Variants in ZRANB3 observed in about 807,000 individuals in gnomAD.
ZRANB3 encodes zinc finger RANBP2-type containing 3, also known as DNA annealing helicase and endonuclease ZRANB3.
ZRANB3 carries 125 observed loss-of-function variants against 133.8 expected under a neutral mutation model. That is an observed-to-expected ratio of 0.93 (90% CI 0.81 to 1.08). The LOEUF is 1.08. ZRANB3 is among the 50% of genes least tolerant of loss of function. The probability of loss-of-function intolerance (pLI) is 0.00; values close to 1 mark genes in which losing one functional copy is unlikely to be tolerated. For synonymous variants in ZRANB3, 387 were observed against 432.7 expected (o/e 0.89, Z 1.31); for missense variants, 1,229 against 1,275.5 (o/e 0.96, Z 0.56).
intron 12 of ZRANB3, among the ~76,000 whole-genome samples, chr2:135,238,611 G>A (rs941965249): frequency 6.6e-6 from 1 of 151,878 alleles, no homozygotes; most frequent in African/African-American, 2.4e-5. Flanking sequence ...TGATCCACCC[G>A]CCCCGGCCCC....
intron 2 of ZRANB3, among the ~76,000 whole-genome samples, chr2:135,396,329 G>A (rs181054083): frequency 6.6e-6 from 1 of 150,520 alleles, no homozygotes; most frequent in Admixed American, 6.6e-5. Context: ...CCAAAGGAAA[G>A]GAAATTAGTA....
At chr2:135,430,551 G>A (rs951844464) in intron 2 of ZRANB3, among the ~76,000 whole-genome samples, 6 of 152,118 alleles carry the variant, frequency 3.9e-5, no homozygotes, top group African/African-American at 1.4e-4. Context: ...GATAAAATAG[G>A]AAGTAATCTT....
At chr2:135,360,407 TA>T (rs1685628165) in intron 3 of ZRANB3, among the ~76,000 whole-genome samples, 3 of 151,436 alleles carry the variant, frequency 2.0e-5, no homozygotes, top group Admixed American at 2.0e-4. Flanking sequence ...AATAAATAGA[TA>T]AAACAAAATA....
intron 2 of ZRANB3, among the ~76,000 whole-genome samples, chr2:135,465,086 C>G (rs767868405): frequency 7.2e-5 from 11 of 152,198 alleles, no homozygotes; most frequent in Non-Finnish European, 1.0e-4. Context: ...AAATGGTATA[C>G]TCAGTTCCTC....
intron 8 of ZRANB3, among the ~76,000 whole-genome samples, chr2:135,298,609 A>G (rs1043234757): frequency 3.3e-5 from 5 of 152,144 alleles, no homozygotes; most frequent in African/African-American, 1.2e-4. Flanking sequence ...TAGCCACCCC[A>G]GTAGAGCTAC....
chr2:135,391,129 G>C (rs1687213452), intron 2 of ZRANB3, among the ~76,000 whole-genome samples: 1 of 152,200 alleles, frequency 6.6e-6, no homozygotes, highest in Non-Finnish European at 1.5e-5. Context: ...AAAGTGCTGA[G>C]ATTACAGGCG....
At chr2:135,344,232 A>G (rs1305748953) in intron 6 of ZRANB3, among the ~76,000 whole-genome samples, 1 of 152,196 alleles carries the variant, frequency 6.6e-6, no homozygotes, top group Non-Finnish European at 1.5e-5. Context: ...TACTTTTCTA[A>G]AATGAAGCGT....
intron 3 of ZRANB3, among the ~76,000 whole-genome samples, chr2:135,388,620 CAT>C (rs1687085834): frequency 6.6e-6 from 1 of 152,032 alleles, no homozygotes; most frequent in African/African-American, 2.4e-5. Flanking sequence ...ATGTTCTATA[CAT>C]GTATATATAT....
At chr2:135,263,522 C>T (rs1558870910) in intron 12 of ZRANB3, among the ~76,000 whole-genome samples, 1 of 152,140 alleles carries the variant, frequency 6.6e-6, no homozygotes. Flanking sequence ...TTCTAAATAT[C>T]ACTCCACAGT....
intron 2 of ZRANB3, among the ~76,000 whole-genome samples, chr2:135,484,529 G>A (rs747197478): frequency 6.6e-6 from 1 of 151,562 alleles, no homozygotes; most frequent in South Asian, 2.1e-4. Context: ...TAAAAAATTA[G>A]GCAATGTATC....
At chr2:135,308,196 C>A (rs1436525773) in intron 8 of ZRANB3, among the ~76,000 whole-genome samples, 2 of 152,100 alleles carry the variant, frequency 1.3e-5, no homozygotes, top group Non-Finnish European at 2.9e-5. Context: ...GGGGTCTCTG[C>A]CTCTACCCTG....
chr2:135,220,348 A>C (rs1694488201), intron 15 of ZRANB3, among the ~76,000 whole-genome samples: 2 of 152,116 alleles, frequency 1.3e-5, no homozygotes, highest in Non-Finnish European at 2.9e-5. Context: ...AAAAAAAAAA[A>C]AAAGTTACAG....
At chr2:135,393,109 C>G (rs1245420179) in intron 2 of ZRANB3, among the ~76,000 whole-genome samples, 2 of 151,998 alleles carry the variant, frequency 1.3e-5, no homozygotes, top group Non-Finnish European at 2.9e-5. Context: ...CTCATGTGAT[C>G]CACCCACCTA....
intron 8 of ZRANB3, among the ~76,000 whole-genome samples, chr2:135,300,757 G>A (rs993528301): frequency 1.3e-5 from 2 of 152,086 alleles, no homozygotes; most frequent in Non-Finnish European, 2.9e-5. Context: ...CATTGGTTTA[G>A]ATCACCAGCA....
At chr2:135,305,170 G>C (rs1384921787) in intron 8 of ZRANB3, among the ~76,000 whole-genome samples, 1 of 152,084 alleles carries the variant, frequency 6.6e-6, no homozygotes, top group Non-Finnish European at 1.5e-5. Context: ...TAGAGACGGG[G>C]TTTCGCCATG....
At chr2:135,298,182 C>G (rs573261556) in intron 8 of ZRANB3, among the ~76,000 whole-genome samples, 2 of 152,092 alleles carry the variant, frequency 1.3e-5, no homozygotes, top group Non-Finnish European at 2.9e-5. Context: ...GAGCCAAGAT[C>G]GTACCACTGC....
intron 8 of ZRANB3, among the ~76,000 whole-genome samples, chr2:135,297,325 A>T (rs1016268344): frequency 4.6e-4 from 70 of 152,276 alleles, no homozygotes; most frequent in African/African-American, 1.7e-3. Context: ...TTGATCTCAG[A>T]CTGCTGTGCT....
intron 2 of ZRANB3, among the ~76,000 whole-genome samples, chr2:135,393,063 T>C (rs1687315634): frequency 6.6e-6 from 1 of 152,054 alleles, no homozygotes; most frequent in African/African-American, 2.4e-5. Flanking sequence ...AGACAGGGTT[T>C]CACTATGTTG....
At chr2:135,262,020 C>T (rs1408816895) in intron 12 of ZRANB3, among the ~76,000 whole-genome samples, 1 of 151,736 alleles carries the variant, frequency 6.6e-6, no homozygotes, top group Non-Finnish European at 1.5e-5. Context: ...ATTAGCCAGG[C>T]GTGGTGGCGT....
Sources: allele counts gnomAD v4.1 joint callset (sites outside exome capture counted in the v4.1 genomes callset), GRCh38; gene constraint gnomAD v4.1.1; transcripts MANE v1.5; gene names NCBI Gene and HGNC (gene_info 2026-07-23, HGNC 2026-07-21).